Variants in FRMPD3 observed in about 807,000 individuals in gnomAD.
FRMPD3 encodes FERM and PDZ domain containing 3, also known as FERM and PDZ domain-containing protein 3.
Under a neutral mutation model 97.9 loss-of-function variants are expected in FRMPD3, and 42 were observed. The observed-to-expected ratio is 0.43, with a 90% confidence interval of 0.34 to 0.55. FRMPD3 has a LOEUF of 0.55. FRMPD3 is among the 20% of genes least tolerant of loss of function. The probability of loss-of-function intolerance (pLI) is 0.03; values close to 1 mark genes in which losing one functional copy is unlikely to be tolerated. For synonymous variants in FRMPD3, 577 were observed against 581.1 expected (o/e 0.99, Z 0.10); for missense variants, 1,303 against 1,457.7 (o/e 0.89, Z 1.73).
chrX:107,451,503 C>T (rs889114923), intron 1 of FRMPD3, among the ~76,000 whole-genome samples: 1 of 112,157 alleles, frequency 8.9e-6, no homozygotes, highest in South Asian at 3.7e-4. Context: ...GCCCATGAAG[C>T]TCACTGCAGG....
chrX:107,560,895 C>T, intron 10 of FRMPD3, 42 bp downstream of exon 10: 1 of 1,154,921 alleles, frequency 8.7e-7, no homozygotes, highest in Non-Finnish European at 1.2e-6. Flanking sequence ...CCAGGCACTA[C>T]TGGCCACAGG....
In FRMPD3 at chrX:107,602,817, C is replaced by T; in HGVS notation, c.4778C>T (p.Ala1593Val). The T allele has an allele frequency of 8.3e-7, 1 of 1,209,466 alleles. No individual in the cohort carries two copies. The highest frequency in any genetic ancestry group is 1.1e-6 in the Non-Finnish European group (1 of 894,724). The change falls in exon 15 of 15, where the codon GCT (alanine) becomes GTT (valine). Residue 1593 changes from alanine to valine, a missense_variant. By Grantham distance (64) the Ala-to-Val change is moderately conservative. Coordinates refer to ENST00000683843, the MANE Select transcript of FRMPD3 (RefSeq NM_001388459.1). ...TATGGCCTCCCTGATGGCTTCCTGG[C>T]TGCCCGGCTGGACACCAACGAGCTG... ...HAYGLPDGFL[A>V]ARLDTNELLT...
chrX:107,453,206 C>A (rs1045839944), intron 1 of FRMPD3, among the ~76,000 whole-genome samples: 3 of 111,225 alleles, frequency 2.7e-5, no homozygotes, highest in Non-Finnish European at 5.7e-5. Context: ...CACATACACA[C>A]AAATACACAC....
chrX:107,468,466 C>T (rs924015173), intron 1 of FRMPD3, among the ~76,000 whole-genome samples: 1 of 111,896 alleles, frequency 8.9e-6, no homozygotes, highest in African/African-American at 3.3e-5. Context: ...AATAGGGACA[C>T]GTGTTTAAAA....
intron 1 of FRMPD3, among the ~76,000 whole-genome samples, chrX:107,476,367 G>A (rs183731123): frequency 1.1e-4 from 12 of 112,472 alleles, no homozygotes; most frequent in East Asian, 8.3e-4. Flanking sequence ...TCAATAGATC[G>A]AATACATTGG....
chrX:107,568,462 C>A (rs1290513592), intron 12 of FRMPD3, among the ~76,000 whole-genome samples: 8 of 94,420 alleles, frequency 8.5e-5, no homozygotes, highest in Non-Finnish European at 2.1e-5. Context: ...GTAATCCCAG[C>A]ATTTTGGGAG....
intron 1 of FRMPD3, among the ~76,000 whole-genome samples, chrX:107,479,501 A>G (rs1377875303): frequency 8.9e-6 from 1 of 112,147 alleles, no homozygotes; most frequent in African/African-American, 3.2e-5. Context: ...TGACAACTGG[A>G]TAGTAGATTG....
chrX:107,593,053 G>T (rs1923988225), intron 13 of FRMPD3, among the ~76,000 whole-genome samples: 1 of 111,567 alleles, frequency 9.0e-6, no homozygotes, highest in Non-Finnish European at 1.9e-5. Flanking sequence ...TGGGATTACA[G>T]GCATGTGCTA....
At chrX:107,496,856 G>T (rs780383618) in intron 1 of FRMPD3, among the ~76,000 whole-genome samples, 1 of 112,540 alleles carries the variant, frequency 8.9e-6, no homozygotes, top group East Asian at 2.8e-4. Context: ...ACAGCAGTGG[G>T]TTGCCAGTGG....
chrX:107,525,638 G>A (rs1569415689), intron 1 of FRMPD3: 1 of 559,118 alleles, frequency 1.8e-6, no homozygotes. Flanking sequence ...CTGGCCAACA[G>A]GAACTCTTTT....
At chrX:107,474,362 G>C (rs1399622477) in intron 1 of FRMPD3, among the ~76,000 whole-genome samples, 1 of 111,371 alleles carries the variant, frequency 9.0e-6, no homozygotes, top group Non-Finnish European at 1.9e-5. Flanking sequence ...AGAGAGGGAG[G>C]CTAGGTGAAG....
At position 107,601,119 on chromosome X, in the gene FRMPD3, G is replaced by A. The variant is rs1602871571; in HGVS notation, c.3080G>A (p.Gly1027Asp). The change falls in exon 15 of 15, where the codon GGT becomes GAT. Residue 1027 changes from glycine to aspartate, a missense_variant. This residue lies in a region of FRMPD3 where 764 missense variants were observed against 820.2 expected (regional missense o/e 0.93). Coordinates refer to ENST00000683843, the MANE Select transcript of FRMPD3 (RefSeq NM_001388459.1). ...TCATGGAATTCTCAACATCAGCTGG[G>A]TGCAGAGGTCTCTTCCAGCCCCAGA... ...ETSWNSQHQL[G>D]AEVSSSPRAP... 1 of 1,210,515 alleles carries A rather than the reference G, an allele frequency of 8.3e-7. No individual in the cohort carries two copies.
intron 3 of FRMPD3, 45 bp from the exon 4 acceptor site, chrX:107,533,460 C>T (rs1212560586): frequency 1.8e-6 from 2 of 1,088,467 alleles, no homozygotes; most frequent in Non-Finnish European, 1.3e-6. Context: ...AGATGAATAC[C>T]TAGTGCATGA....
chrX:107,465,471 A>G (rs893069401), intron 1 of FRMPD3, among the ~76,000 whole-genome samples: 1 of 111,285 alleles, frequency 9.0e-6, no homozygotes, highest in Non-Finnish European at 1.9e-5. Flanking sequence ...CAGTGTCTAA[A>G]AAAAGAAAAA....
At chrX:107,598,326 C>A (rs1187810583) in intron 14 of FRMPD3, among the ~76,000 whole-genome samples, 184 bp downstream of exon 14, 3 of 112,353 alleles carry the variant, frequency 2.7e-5, no homozygotes, top group Non-Finnish European at 3.8e-5. Flanking sequence ...AGCAGCTGCT[C>A]AGCTCTAGCT....
At chrX:107,492,462 G>GA (rs1189503066) in intron 1 of FRMPD3, among the ~76,000 whole-genome samples, 3 of 111,478 alleles carry the variant, frequency 2.7e-5, no homozygotes, top group Admixed American at 1.9e-4. Context: ...GTACCATGGG[G>GA]AAAAAAGGGT....
intron 1 of FRMPD3, among the ~76,000 whole-genome samples, chrX:107,480,907 A>G (rs369449923): frequency 0.023 from 1,918 of 83,627 alleles, 34 homozygotes; most frequent in African/African-American, 0.043. Context: ...AAAGAAAGAA[A>G]GAAAGAAAGA....
intron 13 of FRMPD3, among the ~76,000 whole-genome samples, chrX:107,589,851 G>A (rs187236137): frequency 9.8e-5 from 11 of 112,640 alleles, no homozygotes; most frequent in African/African-American, 3.5e-4. Flanking sequence ...CATTGCTAGT[G>A]TATAAAAATA....
At chrX:107,464,752 T>G (rs943391717) in intron 1 of FRMPD3, among the ~76,000 whole-genome samples, 3 of 111,802 alleles carry the variant, frequency 2.7e-5, no homozygotes, top group African/African-American at 9.8e-5. Flanking sequence ...TTCCCAAGAT[T>G]AGGTCACCTG....
Sources: allele counts gnomAD v4.1 joint callset (sites outside exome capture counted in the v4.1 genomes callset), GRCh38; gene constraint gnomAD v4.1.1; regional missense constraint gnomAD v4.1.1; transcripts MANE v1.5; gene names NCBI Gene and HGNC (gene_info 2026-07-23, HGNC 2026-07-21).